Variants in RABGAP1L observed in about 807,000 individuals in gnomAD.
The protein encoded by RABGAP1L is RAB GTPase activating protein 1 like, also known as rab GTPase-activating protein 1-like.
Under a neutral mutation model 137.7 loss-of-function variants are expected in RABGAP1L, and 63 were observed. That is an observed-to-expected ratio of 0.46 (90% CI 0.37 to 0.56). RABGAP1L has a LOEUF of 0.56. Among genes scored for constraint, RABGAP1L ranks in the 20% least tolerant of loss-of-function variants. The pLI is 0.00. For synonymous variants in RABGAP1L, 431 were observed against 433.7 expected (o/e 0.99, Z 0.08); for missense variants, 1,095 against 1,244.0 (o/e 0.88, Z 1.80).
intron 13 of RABGAP1L, among the ~76,000 whole-genome samples, chr1:174,456,286 A>G (rs1656033129): frequency 6.6e-6 from 1 of 152,110 alleles, no homozygotes. Flanking sequence ...GCAGTCATCT[A>G]CTGAATATAT....
chr1:174,408,728 T>G (rs536654479), intron 13 of RABGAP1L, among the ~76,000 whole-genome samples: 73 of 126,056 alleles, frequency 5.8e-4, no homozygotes, highest in African/African-American at 3.0e-3. Flanking sequence ...GAGCATCTGT[T>G]GTTTTTTTTT....
At chr1:174,204,653 G>T (rs1051564447) in intron 1 of RABGAP1L, among the ~76,000 whole-genome samples, 1 of 152,134 alleles carries the variant, frequency 6.6e-6, no homozygotes, top group African/African-American at 2.4e-5. Flanking sequence ...GTTTAGCTCT[G>T]TGTCCCCATC....
chr1:174,453,157 C>T (rs937262315), intron 13 of RABGAP1L, among the ~76,000 whole-genome samples: 7 of 152,172 alleles, frequency 4.6e-5, no homozygotes, highest in Non-Finnish European at 8.8e-5. Flanking sequence ...GTTAACCTAC[C>T]TCTTACTTTA....
At chr1:174,320,787 C>T (rs1034482275) in intron 11 of RABGAP1L, among the ~76,000 whole-genome samples, 2 of 152,018 alleles carry the variant, frequency 1.3e-5, no homozygotes, top group South Asian at 2.1e-4. Context: ...GGGTGTATGT[C>T]GCCTCAGGAC....
At chr1:174,601,246 G>C (rs577127212) in intron 13 of RABGAP1L, among the ~76,000 whole-genome samples, 1 of 152,154 alleles carries the variant, frequency 6.6e-6, no homozygotes, top group African/African-American at 2.4e-5. Context: ...TTTTTCCTCC[G>C]GGGCCTCCAG....
At chr1:174,598,673 T>C (rs1431348094) in intron 13 of RABGAP1L, among the ~76,000 whole-genome samples, 1 of 152,198 alleles carries the variant, frequency 6.6e-6, no homozygotes, top group African/African-American at 2.4e-5. Context: ...TGGTCTCTTT[T>C]CATAGTTTTT....
intron 19 of RABGAP1L, among the ~76,000 whole-genome samples, chr1:174,815,233 A>G (rs538580712): frequency 2.0e-5 from 3 of 152,206 alleles, no homozygotes; most frequent in East Asian, 1.9e-4. Flanking sequence ...GTAGGTAAGG[A>G]TGTGAGTCAT....
intron 10 of RABGAP1L, among the ~76,000 whole-genome samples, chr1:174,281,891 C>A (rs1675596072): frequency 6.6e-6 from 1 of 152,214 alleles, no homozygotes; most frequent in African/African-American, 2.4e-5. Context: ...CCTTCAGCCT[C>A]AGGCAATGAC....
At chr1:174,476,956 T>G (rs1371027885) in intron 13 of RABGAP1L, among the ~76,000 whole-genome samples, 1 of 152,168 alleles carries the variant, frequency 6.6e-6, no homozygotes, top group Non-Finnish European at 1.5e-5. Flanking sequence ...TCATGTGTTC[T>G]TCATTAAATT....
At chr1:174,291,718 ATT>A (rs1418706761) in intron 10 of RABGAP1L, among the ~76,000 whole-genome samples, 3 of 151,934 alleles carry the variant, frequency 2.0e-5, no homozygotes, top group Non-Finnish European at 4.4e-5. Flanking sequence ...TTTCAATTTT[ATT>A]TGGTCTATTG....
chr1:174,784,011 C>CTTTTTT lies in RABGAP1L; in HGVS notation c.2212-27799_2212-27794dup, dbSNP rs3085670. 1.3e-3 allele frequency among the ~76,000 whole-genome samples: 70 copies of CTTTTTT among 52,168 alleles called. 1 individual carries two copies. Among genetic ancestry groups the CTTTTTT allele is most frequent in the African/African-American group, 2.2e-3 (30 of 13,568 alleles). The allele number at this position is 52,168 out of a possible 152,430, so 34.2% of individuals were successfully genotyped here. A position where few individuals can be genotyped will look rare whatever the true frequency, so the allele number is the denominator to read the frequency against. ...GCCGTGAGTTTTTCTTCTTCTTCTTCTTTTTTTTTTTTTTTTTTTTTTTTT... is the reference window on the plus strand; with the variant it reads ...GCCGTGAGTTTTTCTTCTTCTTCTTCTTTTTTTTTTTTTTTTTTTTTTTTTTTTTTT... On this transcript the variant is annotated intron_variant, in intron 18 of 25. Transcript: ENST00000681986.
At chr1:174,321,556 G>A (rs1025404703) in intron 11 of RABGAP1L, among the ~76,000 whole-genome samples, 3 of 152,090 alleles carry the variant, frequency 2.0e-5, no homozygotes, top group Non-Finnish European at 4.4e-5. Context: ...TAGGGAAATA[G>A]AAAAGAACCT....
At chr1:174,915,112 A>G (rs1451920711) in intron 19 of RABGAP1L, among the ~76,000 whole-genome samples, 1 of 152,216 alleles carries the variant, frequency 6.6e-6, no homozygotes, top group African/African-American at 2.4e-5. Flanking sequence ...GTTTTTGGCT[A>G]CTATGAATAA....
At chr1:174,227,936 C>T (rs773583204) in intron 3 of RABGAP1L, among the ~76,000 whole-genome samples, 7 of 150,266 alleles carry the variant, frequency 4.7e-5, no homozygotes, top group African/African-American at 7.3e-5. Flanking sequence ...TTTAACTTCT[C>T]GTGCTCTTCA....
At chr1:174,977,841 A>G (rs1392944610) in intron 22 of RABGAP1L, among the ~76,000 whole-genome samples, 1 of 137,588 alleles carries the variant, frequency 7.3e-6, no homozygotes, top group African/African-American at 2.7e-5. Flanking sequence ...GTAGATCACT[A>G]TAACTTACCA....
intron 13 of RABGAP1L, among the ~76,000 whole-genome samples, chr1:174,467,317 C>T (rs1657414298): frequency 6.6e-6 from 1 of 151,710 alleles, no homozygotes; most frequent in South Asian, 2.1e-4. Flanking sequence ...ATCATCTTTT[C>T]AGGGGTCTAC....
At chr1:174,337,400 G>A (rs1681580357) in intron 11 of RABGAP1L, among the ~76,000 whole-genome samples, 2 of 152,104 alleles carry the variant, frequency 1.3e-5, no homozygotes, top group Non-Finnish European at 1.5e-5. Context: ...TGTGCAAGCA[G>A]AATATGAAGT....
intron 14 of RABGAP1L, among the ~76,000 whole-genome samples, chr1:174,640,955 ATATT>A (rs935178136): frequency 5.7e-5 from 8 of 141,030 alleles, no homozygotes; most frequent in Middle Eastern, 3.6e-3. Flanking sequence ...ATAATATAAT[ATATT>A]ATATTTAATT....
rs1660618957 is a variant in RABGAP1L at position 174,914,980 on chromosome 1, G to A, written c.2341-42477G>A. Reference sequence around the variant, plus strand: ...TTAATCTCTGCTATAGTAAATAACAGTTATTTCTTCTTTTTTGTTGCATAA... The same window carrying A: ...TTAATCTCTGCTATAGTAAATAACAATTATTTCTTCTTTTTTGTTGCATAA... On this transcript the variant is annotated intron_variant, in intron 19 of 25. Transcript: ENST00000681986. Among the ~76,000 whole-genome samples, 4 of 152,316 alleles carry A rather than the reference G, an allele frequency of 2.6e-5. No homozygotes were observed. The South Asian group carries it at 6.2e-4, about 24-fold the overall frequency.
Sources: allele counts gnomAD v4.1 joint callset (sites outside exome capture counted in the v4.1 genomes callset), GRCh38; gene constraint gnomAD v4.1.1; transcripts MANE v1.5; gene names NCBI Gene and HGNC (gene_info 2026-07-23, HGNC 2026-07-21).